Variants in BZW1 observed in about 807,000 individuals in gnomAD.
BZW1 encodes eIF5-mimic protein 2.
A neutral mutation model predicts 54.1 loss-of-function variants in BZW1; 3 were observed. That is an observed-to-expected ratio of 0.06 (90% confidence interval 0.03 to 0.14). The LOEUF is 0.14. BZW1 is among the 10% of genes least tolerant of loss of function. The pLI, the probability that BZW1 is intolerant of heterozygous loss-of-function variation, is 1.00. For synonymous variants in BZW1, 152 were observed against 162.7 expected, an observed-to-expected ratio of 0.93 and a Z score of 0.50; for missense variants, 206 against 491.7, an observed-to-expected ratio of 0.42 and a Z score of 5.50.
rs1322748383 is a variant in BZW1 at position 200,823,401 on chromosome 2, C to T, written c.*1223C>T. On this transcript the variant is annotated 3_prime_UTR_variant, in exon 12 of 12. Coordinates refer to ENST00000409600, the MANE Select transcript of BZW1 (RefSeq NM_001207067.2). ...TTTTCATTTTCATCTTTTCTTGCTG[C>T]TACCCATCTATGTATGTAGTCATTG... is the stretch of plus-strand genomic sequence containing the variant. The T allele has an allele frequency of 6.6e-6, 1 of 151,372 alleles. No homozygotes were observed. The highest frequency in any genetic ancestry group is 1.5e-5 in the Non-Finnish European group (1 of 67,360). 9.4% of individuals were successfully genotyped at this position (151,372 alleles called of 1,614,324 possible).
intron 10 of BZW1, 112 bp downstream of exon 10, chr2:200,820,232 T>C: frequency 1.0e-6 from 1 of 988,078 alleles, no homozygotes. Flanking sequence ...ATTTTACTTC[T>C]AGTTATGAGT....
At chr2:200,820,376 C>T (rs2038464734) in intron 10 of BZW1, among the ~76,000 whole-genome samples, 1 of 152,154 alleles carries the variant, frequency 6.6e-6, no homozygotes, top group African/African-American at 2.4e-5. Flanking sequence ...TACTCTTAAC[C>T]AGGTATACAT....
chr2:200,819,674 C>G (rs565735732), intron 9 of BZW1, among the ~76,000 whole-genome samples: 1 of 151,780 alleles, frequency 6.6e-6, no homozygotes, highest in Non-Finnish European at 1.5e-5. Flanking sequence ...AGTTCTGCCT[C>G]CTCGGCCTCC....
Position 200,826,883 on chromosome 2 carries a change from A to C in BZW1, c.*4705A>C, listed in dbSNP as rs1053069506. 1 of 152,118 alleles carries C rather than the reference A, an allele frequency of 6.6e-6. No individual in the cohort carries two copies. Among genetic ancestry groups the C allele is most frequent in the Admixed American group, 6.5e-5 (1 of 15,274 alleles). The allele number at this position is 152,118 out of a possible 1,614,324, so 9.4% of individuals were successfully genotyped here. On this transcript the variant is annotated 3_prime_UTR_variant, in exon 12 of 12. Coordinates refer to ENST00000409600, the MANE Select transcript of BZW1 (RefSeq NM_001207067.2). The stretch of plus-strand genomic sequence containing the variant: ...TGTAACCATTTAAAAATACCTTGGC[A>C]AAACAAGCTAGGAGCTAGTTCATGC...
intron 10 of BZW1, 26 bp downstream of exon 10, chr2:200,820,146 AT>A: frequency 6.7e-7 from 1 of 1,495,944 alleles, no homozygotes. Context: ...AATTTTGTAA[AT>A]AACACTTAAT....
chr2:200,817,046 C>G, intron 5 of BZW1, 60 bp from the exon 6 acceptor site: 1 of 1,571,846 alleles, frequency 6.4e-7, no homozygotes, highest in Admixed American at 1.9e-5. Context: ...ACATGCTTTA[C>G]TGCTTCTCTT....
At position 200,826,407 on chromosome 2, in the gene BZW1, A is replaced by AGATAGATAGATAGATAGATT. The variant is rs1559318394; in HGVS notation, c.*4229_*4230insGATAGATAGATAGATAGATT. 4 of 54,944 alleles carry AGATAGATAGATAGATAGATT rather than the reference A, an allele frequency of 7.3e-5. No homozygotes were observed. Among genetic ancestry groups the AGATAGATAGATAGATAGATT allele is most frequent in the African/African-American group, 8.5e-5 (1 of 11,750 alleles). The allele number at this position is 54,944 out of a possible 1,614,324, so 3.4% of individuals were successfully genotyped here. On this transcript the variant is annotated 3_prime_UTR_variant, in exon 12 of 12. Coordinates refer to ENST00000409600, the MANE Select transcript of BZW1 (RefSeq NM_001207067.2). ...TAGATAGATAGATAGATAGATAGAT[A>AGATAGATAGATAGATAGATT]TTTTTTTTTTTTTTTTTTTTTTTTT...
rs1691634912 is a variant in BZW1 at position 200,827,155 on chromosome 2, G to A, written c.*4977G>A. 1 of 152,104 alleles carries A rather than the reference G, an allele frequency of 6.6e-6. No homozygotes were observed. The highest frequency in any genetic ancestry group is 6.6e-5 in the Admixed American group (1 of 15,244). The allele number at this position is 152,104 out of a possible 1,614,324, so 9.4% of individuals were successfully genotyped here. On this transcript the variant is annotated 3_prime_UTR_variant, in exon 12 of 12. Coordinates refer to ENST00000409600, the MANE Select transcript of BZW1 (RefSeq NM_001207067.2). ...TGGCGCCCAGGACGGCACACAGAAT[G>A]GAGAAAACTGGATAGCTGGTAACTC...
At chr2:200,816,270 C>T in intron 4 of BZW1, 55 bp from the exon 5 acceptor site, 1 of 1,326,862 alleles carries the variant, frequency 7.5e-7, no homozygotes, top group African/African-American at 1.5e-5. Context: ...AGGTTTACTA[C>T]TTTGCTATTC....
intron 1 of BZW1, chr2:200,812,383 G>T: frequency 1.6e-6 from 2 of 1,284,428 alleles, no homozygotes; most frequent in Non-Finnish European, 2.0e-6. Flanking sequence ...CGCCTCCGCC[G>T]CTGCTTTCGC....
At chr2:200,813,174 C>G in intron 1 of BZW1, 34 bp from the exon 2 acceptor site, 1 of 1,552,694 alleles carries the variant, frequency 6.4e-7, no homozygotes, top group Non-Finnish European at 8.9e-7. Context: ...AGTATTATGG[C>G]ACTGATATTA....
Position 200,826,926 on chromosome 2 carries a change from A to G in BZW1, c.*4748A>G, listed in dbSNP as rs1020641720. 5 of 150,354 alleles carry G rather than the reference A, an allele frequency of 3.3e-5. No individual in the cohort carries two copies. Among genetic ancestry groups the G allele is most frequent in the East Asian group, 1.9e-4 (1 of 5,200 alleles). 9.3% of individuals were successfully genotyped at this position (150,354 alleles called of 1,614,324 possible). A position where few individuals can be genotyped will look rare whatever the true frequency, so the allele number is the denominator to read the frequency against. On this transcript the variant is annotated 3_prime_UTR_variant, in exon 12 of 12. Coordinates refer to ENST00000409600, the MANE Select transcript of BZW1 (RefSeq NM_001207067.2). ...GTTCATGCTAATATTCTTAAGGACAAAAATAGTTTACAGCTTTTTTTTTTT... is the reference window on the plus strand; with the variant it reads ...GTTCATGCTAATATTCTTAAGGACAGAAATAGTTTACAGCTTTTTTTTTTT...
At position 200,826,098 on chromosome 2, in the gene BZW1, G is replaced by A. The variant is rs1256120687; in HGVS notation, c.*3920G>A. 6.6e-6 allele frequency: 1 copy of A among 152,172 alleles called. No individual in the cohort carries two copies. Among genetic ancestry groups the A allele is most frequent in the Non-Finnish European group, 1.5e-5 (1 of 68,022 alleles). The allele number at this position is 152,172 out of a possible 1,614,324, so 9.4% of individuals were successfully genotyped here. A position where few individuals can be genotyped will look rare whatever the true frequency, so the allele number is the denominator to read the frequency against. On this transcript the variant is annotated 3_prime_UTR_variant, in exon 12 of 12. Coordinates refer to ENST00000409600, the MANE Select transcript of BZW1 (RefSeq NM_001207067.2). ...AAGTGGAATCTGGATGATGTGACAA[G>A]TACCTTTGTCTTTGGAGTAATGAGT...
chr2:200,819,811 C>T (rs556506132), intron 9 of BZW1, among the ~76,000 whole-genome samples, 171 bp from the exon 10 acceptor site: 2 of 152,310 alleles, frequency 1.3e-5, no homozygotes, highest in African/African-American at 4.8e-5. Context: ...GCTGGGATTA[C>T]AGACGTGAGC....
rs1467800897 is a variant in BZW1, at chr2:200,826,405, ATATTTTTTTTTTTT to A, written c.*4229_*4242del. The stretch of plus-strand genomic sequence containing the variant: ...GATAGATAGATAGATAGATAGATAG[ATATTTTTTTTTTTT>A]TTTTTTTTTTTTTTTTTTTTTTTGA... On this transcript the variant is annotated 3_prime_UTR_variant, in exon 12 of 12. Transcript: ENST00000409600. 21 of 48,732 alleles carry A rather than the reference ATATTTTTTTTTTTT, an allele frequency of 4.3e-4. No homozygotes were observed. Among genetic ancestry groups the A allele is most frequent in the Admixed American group, 1.6e-3 (8 of 4,916 alleles). 3.0% of individuals were successfully genotyped at this position (48,732 alleles called of 1,614,324 possible).
intron 2 of BZW1, 105 bp downstream of exon 2, chr2:200,813,386 T>C (rs2038161933): frequency 9.9e-7 from 1 of 1,008,738 alleles, no homozygotes; most frequent in Non-Finnish European, 1.5e-6. Context: ...CAAAAGAAGA[T>C]ACCAGAAAGA....
chr2:200,815,608 C>CT, intron 3 of BZW1, 59 bp from the exon 4 acceptor site: 1 of 1,588,554 alleles, frequency 6.3e-7, no homozygotes, highest in Non-Finnish European at 8.6e-7. Context: ...ATTTGGCAAA[C>CT]TTGTTAAAAT....
In BZW1 at chr2:200,816,476, A is replaced by G. The variant is rs540922680; in HGVS notation, c.402+86A>G. The stretch of plus-strand genomic sequence containing the variant: ...AATCCTAATTCCGCCACAGATTTGG[A>G]GTAATTTTGCTTGTTTGTTTGGGTT... On this transcript the variant is annotated intron_variant, in intron 5 of 11. Transcript: ENST00000409600. The G allele has an allele frequency of 2.1e-4, 219 of 1,034,556 alleles. 1 individual carries two copies. In the African/African-American group the frequency reaches 3.0e-3, roughly 14 times the overall value. The allele number at this position is 1,034,556 out of a possible 1,614,324, so 64.1% of individuals were successfully genotyped here.
At chr2:200,815,825 A>G (rs2038267452) in intron 4 of BZW1, 64 bp downstream of exon 4, 2 of 1,370,284 alleles carry the variant, frequency 1.5e-6, no homozygotes, top group Non-Finnish European at 1.9e-6. Context: ...TTTGAGGAAT[A>G]TTCTACTTTT....
Sources: gnomAD v4.1 joint callset for allele counts (sites outside exome capture counted in the v4.1 genomes callset) on GRCh38, gnomAD v4.1.1 for gene constraint, MANE v1.5 for transcripts, NCBI Gene and HGNC (gene_info 2026-07-23, HGNC 2026-07-21) for gene names.